TRPS1: variants seen among roughly 807,000 people sequenced by gnomAD.
TRPS1 encodes the protein transcriptional repressor GATA binding 1.
A neutral mutation model predicts 101.2 loss-of-function variants in TRPS1; 6 were observed. The ratio of observed to expected loss-of-function variants is 0.06; its 90% CI spans 0.03 to 0.12. The LOEUF (loss-of-function observed/expected upper bound fraction) is 0.12. Among genes scored for constraint, TRPS1 ranks in the 10% least tolerant of loss-of-function variants. TRPS1 has a pLI of 1.00. For synonymous variants in TRPS1, 578 were observed against 589.8 expected (o/e 0.98, Z 0.29); for missense variants, 1,363 against 1,567.0 (o/e 0.87, Z 2.20).
At chr8:115,613,884 G>A (rs1818222928) in intron 3 of TRPS1, among the ~76,000 whole-genome samples, 1 of 152,148 alleles carries the variant, frequency 6.6e-6, no homozygotes, top group South Asian at 2.1e-4. Context: ...ATGTAAGACA[G>A]AAAAATAAAT....
At chr8:115,510,493 A>G (rs1397869459) in intron 5 of TRPS1, among the ~76,000 whole-genome samples, 1 of 151,984 alleles carries the variant, frequency 6.6e-6, no homozygotes, top group Non-Finnish European at 1.5e-5. Flanking sequence ...ATCTATTAAT[A>G]AAAGTCAGTT....
chr8:115,527,205 C>T lies in TRPS1; in HGVS notation c.2700+59796G>A, dbSNP rs146011176. 2.4e-3 allele frequency among the ~76,000 whole-genome samples: 372 copies of T among 151,922 alleles called. 1 individual carries two copies. The highest frequency in any genetic ancestry group is 8.4e-3 in the African/African-American group (350 of 41,468). ...CAGCCTTTTTTTTTCATTCTGACTC[C>T]GCCTTCTTATTAATTTTTAGTAGTC... On this transcript the variant is annotated intron_variant, in intron 5 of 6. Coordinates refer to ENST00000395715, the MANE Select transcript of TRPS1 (RefSeq NM_014112.5).
chr8:115,498,844 G>A (rs1005371458), intron 5 of TRPS1, among the ~76,000 whole-genome samples: 1 of 152,040 alleles, frequency 6.6e-6, no homozygotes, highest in African/African-American at 2.4e-5. Context: ...GTTAATCCGG[G>A]TTGTTAACTG....
At chr8:115,557,195 A>G (rs1476036882) in intron 5 of TRPS1, among the ~76,000 whole-genome samples, 1 of 152,074 alleles carries the variant, frequency 6.6e-6, no homozygotes, top group Admixed American at 6.6e-5. Flanking sequence ...CCATGATTCA[A>G]TTAACTCCCA....
intron 5 of TRPS1, among the ~76,000 whole-genome samples, chr8:115,496,551 G>A (rs3849850): frequency 0.61 from 92,629 of 151,924 alleles, 28,666 homozygotes; most frequent in East Asian, 0.84. Flanking sequence ...AAAGATGCAA[G>A]TACTTTGTTT....
intron 1 of TRPS1, among the ~76,000 whole-genome samples, chr8:115,657,453 G>C (rs1376022735): frequency 6.6e-6 from 1 of 152,108 alleles, no homozygotes; most frequent in African/African-American, 2.4e-5. Flanking sequence ...GCCTGTGACT[G>C]ATGTTATTGA....
At chr8:115,428,741 A>G (rs1813248846) in intron 5 of TRPS1, among the ~76,000 whole-genome samples, 1 of 152,166 alleles carries the variant, frequency 6.6e-6, no homozygotes, top group Non-Finnish European at 1.5e-5. Flanking sequence ...GCAGTGGGAG[A>G]CTAAAAAAAA....
chr8:115,508,360 A>G (rs1003675550), intron 5 of TRPS1, among the ~76,000 whole-genome samples: 9 of 152,106 alleles, frequency 5.9e-5, no homozygotes, highest in African/African-American at 1.9e-4. Context: ...GAATTTCGCC[A>G]TTCTTTTTAG....
At chr8:115,538,967 C>A (rs62513031) in intron 5 of TRPS1, among the ~76,000 whole-genome samples, 1 of 152,116 alleles carries the variant, frequency 6.6e-6, no homozygotes, top group African/African-American at 2.4e-5. Flanking sequence ...ATATCTACAT[C>A]AAAGAAAACC....
At chr8:115,563,965 T>A (rs1817007907) in intron 5 of TRPS1, among the ~76,000 whole-genome samples, 2 of 152,130 alleles carry the variant, frequency 1.3e-5, no homozygotes, top group Non-Finnish European at 2.9e-5. Flanking sequence ...ACTTTCCTAT[T>A]CTTTCATGTT....
At chr8:115,587,633 A>G in intron 4 of TRPS1, 29 bp from the exon 5 acceptor site, 1 of 1,613,662 alleles carries the variant, frequency 6.2e-7, no homozygotes, top group Non-Finnish European at 8.5e-7. Flanking sequence ...GTTACTGCAA[A>G]GACAGCGTTC....
intron 2 of TRPS1, among the ~76,000 whole-genome samples, chr8:115,622,760 A>G (rs1003214306): frequency 2.0e-5 from 3 of 152,156 alleles, no homozygotes; most frequent in East Asian, 3.8e-4. Flanking sequence ...AAAAGACAGG[A>G]CTCACAAAGA....
At chr8:115,552,119 G>A (rs1816718954) in intron 5 of TRPS1, among the ~76,000 whole-genome samples, 1 of 152,018 alleles carries the variant, frequency 6.6e-6, no homozygotes, top group South Asian at 2.1e-4. Flanking sequence ...GAGGTCTGAG[G>A]GGTTGCTAAT....
At chr8:115,651,164 T>A (rs1196380994) in intron 1 of TRPS1, among the ~76,000 whole-genome samples, 2 of 152,228 alleles carry the variant, frequency 1.3e-5, no homozygotes, top group East Asian at 3.8e-4. Context: ...GTCTCACATA[T>A]AATATCAGTA....
At chr8:115,523,011 G>A (rs1815903629) in intron 5 of TRPS1, among the ~76,000 whole-genome samples, 1 of 151,974 alleles carries the variant, frequency 6.6e-6, no homozygotes, top group South Asian at 2.1e-4. Flanking sequence ...CCAAGCTATT[G>A]TTTCTAGGCA....
intron 1 of TRPS1, among the ~76,000 whole-genome samples, chr8:115,653,506 C>T (rs2737256): frequency 1 from 152,340 of 152,340 alleles, 76,170 homozygotes; most frequent in Non-Finnish European, 1. Flanking sequence ...TTTTTAATGT[C>T]AAAGATCATT....
At chr8:115,599,913 CACA>C (rs1463224503) in intron 4 of TRPS1, among the ~76,000 whole-genome samples, 3 of 152,166 alleles carry the variant, frequency 2.0e-5, no homozygotes, top group Non-Finnish European at 2.9e-5. Flanking sequence ...GAGGAATCAT[CACA>C]TAGTCTTCCA....
chr8:115,582,641 C>T (rs910818262), intron 5 of TRPS1, among the ~76,000 whole-genome samples: 3 of 152,148 alleles, frequency 2.0e-5, no homozygotes, highest in African/African-American at 4.8e-5. Context: ...AACGGAGATC[C>T]TGGGAGGCCC....
At chr8:115,640,456 C>T (rs750355452) in intron 1 of TRPS1, among the ~76,000 whole-genome samples, 51 of 152,170 alleles carry the variant, frequency 3.4e-4, no homozygotes, top group South Asian at 2.1e-4. Flanking sequence ...GTCTTTGCAA[C>T]GACAAAATGA....
Sources: gnomAD v4.1 joint callset for allele counts (sites outside exome capture counted in the v4.1 genomes callset) on GRCh38, gnomAD v4.1.1 for gene constraint, MANE v1.5 for transcripts, NCBI Gene and HGNC (gene_info 2026-07-23, HGNC 2026-07-21) for gene names.